Variants in NKAIN2 observed in about 807,000 individuals in gnomAD.
NKAIN2 encodes sodium/potassium transporting ATPase interacting 2, also known as sodium/potassium-transporting ATPase subunit beta-1-interacting protein 2.
A neutral mutation model predicts 32.6 loss-of-function variants in NKAIN2; 14 were observed. The observed-to-expected ratio is 0.43, with a 90% CI of 0.28 to 0.67. The LOEUF (loss-of-function observed/expected upper bound fraction) is 0.67, where lower values mean the gene tolerates loss of function less well. Ranked by LOEUF, NKAIN2 falls within the 30% of genes least tolerant of loss-of-function variation. The pLI is 0.17. For missense variants in NKAIN2, 198 were observed against 258.3 expected (o/e 0.77, Z 1.60); for synonymous variants, 80 against 87.2 (o/e 0.92, Z 0.46).
At chr6:124,324,151 G>A (rs1392843021) in intron 2 of NKAIN2, among the ~76,000 whole-genome samples, 2 of 152,054 alleles carry the variant, frequency 1.3e-5, no homozygotes, top group Non-Finnish European at 2.9e-5. Context: ...AACAGTCTTG[G>A]TGGGATTTAA....
At chr6:124,407,654 A>G (rs76733363) in intron 3 of NKAIN2, among the ~76,000 whole-genome samples, 92,515 of 150,754 alleles carry the variant, frequency 0.61, 28,924 homozygotes, top group African/African-American at 0.74. Flanking sequence ...CGCAATAAAC[A>G]TACGTGTGCA....
chr6:124,669,750 C>A (rs1773002596), intron 4 of NKAIN2, among the ~76,000 whole-genome samples: 1 of 152,094 alleles, frequency 6.6e-6, no homozygotes, highest in South Asian at 2.1e-4. Context: ...AAAGATTCCC[C>A]ACATTCTTTC....
chr6:123,985,137 C>A (rs917653056), intron 1 of NKAIN2, among the ~76,000 whole-genome samples: 2 of 151,986 alleles, frequency 1.3e-5, no homozygotes, highest in East Asian at 3.9e-4. Context: ...GGTGGCTCAC[C>A]CCTGTAATAC....
At position 123,911,797 on chromosome 6, in the gene NKAIN2, A is replaced by G. The variant is rs57517184; in HGVS notation, c.54+107543A>G. Among the ~76,000 whole-genome samples the G allele has an allele frequency of 8.9e-4, 92 of 103,316 alleles. 5 individuals are homozygous for G. The highest frequency in any genetic ancestry group is 4.6e-3 in the Middle Eastern group (1 of 216). 67.8% of individuals were successfully genotyped at this position (103,316 alleles called of 152,430 possible). On this transcript the variant is annotated intron_variant, in intron 1 of 6. Coordinates refer to ENST00000368417, the MANE Select transcript of NKAIN2 (RefSeq NM_001040214.3). ...TACATACATACATATATATATATATATATGTATATATATATACACACACAC... is the reference window on the plus strand; with the variant it reads ...TACATACATACATATATATATATATGTATGTATATATATATACACACACAC...
chr6:124,548,594 A>G (rs1279239556), intron 3 of NKAIN2, among the ~76,000 whole-genome samples: 1 of 152,224 alleles, frequency 6.6e-6, no homozygotes, highest in Admixed American at 6.5e-5. Context: ...GGGAAGAGGA[A>G]AGGTCTTCAC....
intron 2 of NKAIN2, among the ~76,000 whole-genome samples, chr6:124,313,242 AT>A (rs971950754): frequency 1.9e-4 from 29 of 152,258 alleles, no homozygotes; most frequent in African/African-American, 6.7e-4. Context: ...GTAGGTTAAG[AT>A]TTCTCATATA....
chr6:123,850,261 A>C (rs965340870), intron 1 of NKAIN2, among the ~76,000 whole-genome samples: 1 of 151,160 alleles, frequency 6.6e-6, no homozygotes, highest in Admixed American at 6.6e-5. Context: ...TTACACAGAG[A>C]GCTGACCTAA....
intron 1 of NKAIN2, among the ~76,000 whole-genome samples, chr6:124,029,913 C>G (rs558586920): frequency 6.6e-6 from 1 of 152,080 alleles, no homozygotes; most frequent in South Asian, 2.1e-4. Context: ...ATCTAGGTTG[C>G]GTGCTCCTTA....
At chr6:124,553,247 G>A (rs984640097) in intron 3 of NKAIN2, among the ~76,000 whole-genome samples, 1 of 152,134 alleles carries the variant, frequency 6.6e-6, no homozygotes, top group African/African-American at 2.4e-5. Context: ...GTAGATAAAA[G>A]GGACAGAACT....
chr6:123,992,935 TTA>T (rs1475868043), intron 1 of NKAIN2, among the ~76,000 whole-genome samples: 1 of 152,214 alleles, frequency 6.6e-6, no homozygotes, highest in African/African-American at 2.4e-5. Flanking sequence ...CTTAGTCATA[TTA>T]TCATAGTTTG....
intron 1 of NKAIN2, among the ~76,000 whole-genome samples, chr6:124,022,371 G>C (rs9491047): frequency 0.23 from 34,486 of 152,070 alleles, 4,918 homozygotes; most frequent in African/African-American, 0.4. Context: ...GCATGTGTCT[G>C]TATAGCAGCA....
intron 3 of NKAIN2, among the ~76,000 whole-genome samples, chr6:124,588,455 A>G (rs974635057): frequency 6.6e-6 from 1 of 152,156 alleles, no homozygotes; most frequent in Admixed American, 6.5e-5. Context: ...ATGATCATAC[A>G]CTTATTCACC....
At chr6:124,664,926 A>G (rs572835793) in intron 4 of NKAIN2, among the ~76,000 whole-genome samples, 222 of 151,768 alleles carry the variant, frequency 1.5e-3, no homozygotes, top group African/African-American at 4.9e-3. Flanking sequence ...GTATACGTGT[A>G]TCTTTAAATA....
intron 3 of NKAIN2, among the ~76,000 whole-genome samples, chr6:124,458,455 C>T (rs1430054229): frequency 6.6e-6 from 1 of 151,838 alleles, no homozygotes; most frequent in Non-Finnish European, 1.5e-5. Flanking sequence ...CTACAGCTCT[C>T]TCTCTGCTGT....
intron 1 of NKAIN2, among the ~76,000 whole-genome samples, chr6:123,932,434 T>TTTTTTTTTTTTTC (rs1481221049): frequency 1.9e-4 from 17 of 91,782 alleles, no homozygotes; most frequent in South Asian, 3.7e-4. Flanking sequence ...TTTTTTTTTT[T>TTTTTTTTTTTTTC]GAGAAAGAGT....
At chr6:124,320,493 G>A (rs1797131108) in intron 2 of NKAIN2, among the ~76,000 whole-genome samples, 1 of 152,134 alleles carries the variant, frequency 6.6e-6, no homozygotes, top group South Asian at 2.1e-4. Flanking sequence ...ACCTGAGAGA[G>A]CCTACTCCCT....
intron 1 of NKAIN2, among the ~76,000 whole-genome samples, chr6:124,190,604 G>A (rs1293089086): frequency 6.6e-6 from 1 of 152,158 alleles, no homozygotes; most frequent in Non-Finnish European, 1.5e-5. Context: ...GTGGTGCAAT[G>A]TTTTGTTGGA....
intron 1 of NKAIN2, among the ~76,000 whole-genome samples, chr6:124,004,506 G>A (rs1379436092): frequency 6.6e-6 from 1 of 152,030 alleles, no homozygotes; most frequent in African/African-American, 2.4e-5. Context: ...CCGATCAACT[G>A]CTTTGTTTCA....
intron 4 of NKAIN2, among the ~76,000 whole-genome samples, chr6:124,782,855 C>A (rs1352580000): frequency 1.3e-5 from 2 of 152,124 alleles, no homozygotes; most frequent in African/African-American, 4.8e-5. Flanking sequence ...TTGCACATTA[C>A]AAACATACAA....
Sources: allele counts gnomAD v4.1 joint callset (sites outside exome capture counted in the v4.1 genomes callset), GRCh38; gene constraint gnomAD v4.1.1; transcripts MANE v1.5; gene names NCBI Gene and HGNC (gene_info 2026-07-23, HGNC 2026-07-21).